STAB2: variants seen among roughly 807,000 people sequenced by gnomAD.
STAB2 encodes the protein stabilin-2.
Under a neutral mutation model 338.1 loss-of-function variants are expected in STAB2, and 288 were observed. That is an observed-to-expected ratio of 0.85 (90% CI 0.77 to 0.94). The LOEUF (loss-of-function observed/expected upper bound fraction) is 0.94, where lower values mean the gene tolerates loss of function less well. Among genes scored for constraint, STAB2 ranks in the 40% least tolerant of loss-of-function variants. The probability of loss-of-function intolerance (pLI) is 0.00; values close to 1 mark genes in which losing one functional copy is unlikely to be tolerated. For synonymous variants in STAB2, 1,202 were observed against 1,193.3 expected (o/e 1.01, Z -0.15); for missense variants, 3,141 against 3,210.1 (o/e 0.98, Z 0.52).
intron 44 of STAB2, 30 bp downstream of exon 44, chr12:103,717,871 C>T (rs1204919741): frequency 6.2e-7 from 1 of 1,612,552 alleles, no homozygotes; most frequent in East Asian, 2.2e-5. Flanking sequence ...GGATATCCTT[C>T]AAGCCTCAGA....
chr12:103,719,522 T>C (rs1381145920), intron 44 of STAB2, among the ~76,000 whole-genome samples: 1 of 152,224 alleles, frequency 6.6e-6, no homozygotes, highest in Non-Finnish European at 1.5e-5. Context: ...GGGAAAATCC[T>C]TCCTTTCCTC....
At chr12:103,604,412 C>T (rs533225320) in intron 3 of STAB2, among the ~76,000 whole-genome samples, 3 of 152,110 alleles carry the variant, frequency 2.0e-5, no homozygotes, top group Non-Finnish European at 4.4e-5. Context: ...CTTCGATTAC[C>T]TGGAAGAGTT....
intron 8 of STAB2, among the ~76,000 whole-genome samples, chr12:103,638,829 T>C (rs934515102): frequency 1.9e-4 from 29 of 152,202 alleles, no homozygotes; most frequent in Non-Finnish European, 5.9e-5. Flanking sequence ...ATGCCTTCTG[T>C]GTCCATAACT....
At position 103,706,802 on chromosome 12, in the gene STAB2, G is replaced by A. The variant is rs1197169541; in HGVS notation, c.4007G>A (p.Cys1336Tyr). ...KCVRTVITRE[C>Y]CAGFFGPQCQ... ...GTCCTTCTGTTTCAGACGAGAGAATGCTGTGCCGGCTTCTTTGGCCCCCAA... is the reference window on the plus strand; with the variant it reads ...GTCCTTCTGTTTCAGACGAGAGAATACTGTGCCGGCTTCTTTGGCCCCCAA... The change falls in exon 38 of 69, where the codon TGC becomes TAC. Residue 1336 changes from cysteine to tyrosine, a missense_variant. Cys to Tyr is a radical substitution (Grantham distance 194, BLOSUM62 -2). Transcript: ENST00000388887. 1.2e-6 allele frequency: 2 copies of A among 1,614,136 alleles called. No individual in the cohort carries two copies. Among genetic ancestry groups the A allele is most frequent in the African/African-American group, 1.3e-5 (1 of 74,952 alleles).
intron 44 of STAB2, among the ~76,000 whole-genome samples, chr12:103,723,217 G>C (rs1321626707): frequency 1.3e-5 from 2 of 152,204 alleles, no homozygotes; most frequent in African/African-American, 4.8e-5. Flanking sequence ...TGCTGATAAA[G>C]ACATACTCCA....
intron 54 of STAB2, 118 bp downstream of exon 54, chr12:103,739,586 T>C: frequency 2.7e-6 from 2 of 728,340 alleles, no homozygotes; most frequent in East Asian, 3.1e-5. Flanking sequence ...CGTGCACGTA[T>C]GTTGCATAAA....
intron 6 of STAB2, 136 bp downstream of exon 6, chr12:103,631,829 T>A: frequency 1.4e-6 from 1 of 725,428 alleles, no homozygotes; most frequent in Admixed American, 2.6e-5. Context: ...AACTAGAAAT[T>A]AAAAAGAGAA....
chr12:103,743,908 GAA>G (rs1215036735), intron 56 of STAB2, among the ~76,000 whole-genome samples: 1 of 152,188 alleles, frequency 6.6e-6, no homozygotes, highest in Non-Finnish European at 1.5e-5. Context: ...CTTGGCCAAT[GAA>G]AAGTCTTTAG....
intron 57 of STAB2, 86 bp from the exon 58 acceptor site, chr12:103,746,511 C>T: frequency 7.8e-7 from 1 of 1,279,226 alleles, no homozygotes; most frequent in East Asian, 2.3e-5. Flanking sequence ...AGTGGTCGTC[C>T]AGAGAGAGTC....
intron 9 of STAB2, among the ~76,000 whole-genome samples, chr12:103,640,984 A>T (rs1872884224): frequency 6.6e-6 from 1 of 152,200 alleles, no homozygotes; most frequent in African/African-American, 2.4e-5. Context: ...TTCATTAGTG[A>T]CTGACCTGAA....
intron 13 of STAB2, 114 bp downstream of exon 13, chr12:103,654,812 C>T: frequency 7.4e-7 from 1 of 1,344,742 alleles, no homozygotes; most frequent in Non-Finnish European, 1.0e-6. Context: ...GTGCTAGGAT[C>T]CCGAGCAGAG....
intron 58 of STAB2, among the ~76,000 whole-genome samples, chr12:103,748,257 GTCT>G (rs1206596689): frequency 6.6e-6 from 1 of 152,160 alleles, no homozygotes; most frequent in Non-Finnish European, 1.5e-5. Flanking sequence ...CTTAGAATGA[GTCT>G]TCTTGTCCTT....
intron 56 of STAB2, among the ~76,000 whole-genome samples, chr12:103,744,711 A>C (rs983896573): frequency 6.6e-5 from 10 of 152,022 alleles, no homozygotes; most frequent in African/African-American, 2.4e-4. Flanking sequence ...GGCCTCAAGC[A>C]ATCCTCCCAC....
intron 25 of STAB2, among the ~76,000 whole-genome samples, chr12:103,682,268 A>T (rs1876983111): frequency 6.6e-6 from 1 of 152,060 alleles, no homozygotes; most frequent in Non-Finnish European, 1.5e-5. Context: ...GAGTGTGTCC[A>T]CATCCATCCT....
At chr12:103,609,751 T>A (rs1957092185) in intron 3 of STAB2, among the ~76,000 whole-genome samples, 1 of 152,180 alleles carries the variant, frequency 6.6e-6, no homozygotes, top group Non-Finnish European at 1.5e-5. Context: ...AGAGAGGACA[T>A]CCCTGTCTTG....
chr12:103,747,995 CAAAAAAAAAAA>C (rs57369480), intron 58 of STAB2, among the ~76,000 whole-genome samples: 1 of 96,762 alleles, frequency 1.0e-5, no homozygotes, highest in East Asian at 3.1e-4. Context: ...ACTCTGTCTC[CAAAAAAAAAAA>C]AAAAAAAAGG....
intron 44 of STAB2, among the ~76,000 whole-genome samples, chr12:103,718,236 C>A (rs1476328976): frequency 6.6e-6 from 1 of 152,138 alleles, no homozygotes; most frequent in Non-Finnish European, 1.5e-5. Context: ...GAATCCACAG[C>A]GAGCGCACTA....
In STAB2 at chr12:103,685,459, T is replaced by TGTGTGTGC. The variant is rs746468070; in HGVS notation, c.2997+376_2997+377insTGTGTGCG. On this transcript the variant is annotated intron_variant, in intron 27 of 68. Coordinates refer to ENST00000388887, the MANE Select transcript of STAB2 (RefSeq NM_017564.10). The stretch of plus-strand genomic sequence containing the variant: ...GTGTGTGTGTGTGTGTGTGTGCGCG[T>TGTGTGTGC]GCGTGTGTGTGTGCGTGCGCGCATG... Among the ~76,000 whole-genome samples, 213 of 135,654 alleles carry TGTGTGTGC rather than the reference T, an allele frequency of 1.6e-3. 1 individual carries two copies. The Middle Eastern group carries it at 0.019, about 12-fold the overall frequency. 89.0% of individuals were successfully genotyped at this position (135,654 alleles called of 152,430 possible).
intron 10 of STAB2, 135 bp downstream of exon 10, chr12:103,648,958 T>A: frequency 3.3e-6 from 4 of 1,203,628 alleles, no homozygotes; most frequent in South Asian, 1.6e-5. Flanking sequence ...GTCATGCAGG[T>A]GAGAGGGAAA....
Sources: gnomAD v4.1 joint callset for allele counts (sites outside exome capture counted in the v4.1 genomes callset) on GRCh38, gnomAD v4.1.1 for gene constraint, MANE v1.5 for transcripts, NCBI Gene and HGNC (gene_info 2026-07-23, HGNC 2026-07-21) for gene names.